The following SPAG16 variants were observed in gnomAD, a reference collection of about 807,000 sequenced individuals.
SPAG16 encodes the protein sperm associated antigen 16.
Under a neutral mutation model 80.4 loss-of-function variants are expected in SPAG16, and 86 were observed. The ratio of observed to expected loss-of-function variants is 1.07; its 90% CI spans 0.90 to 1.28. The LOEUF (loss-of-function observed/expected upper bound fraction) is 1.28, where lower values mean the gene tolerates loss of function less well. SPAG16 is among the 50% of genes most tolerant of loss of function. The pLI is 0.00. For missense variants in SPAG16, 870 were observed against 765.3 expected, an observed-to-expected ratio of 1.14 and a Z score of -1.61; for synonymous variants, 294 against 265.9, an observed-to-expected ratio of 1.11 and a Z score of -1.03.
At chr2:214,289,061 C>G (rs984935837) in intron 15 of SPAG16, among the ~76,000 whole-genome samples, 1 of 151,962 alleles carries the variant, frequency 6.6e-6, no homozygotes, top group Non-Finnish European at 1.5e-5. Flanking sequence ...AGCCACCGTT[C>G]CCAGCCCTTT....
At chr2:214,296,820 G>C (rs374026206) in intron 15 of SPAG16, among the ~76,000 whole-genome samples, 15 of 152,294 alleles carry the variant, frequency 9.8e-5, no homozygotes, top group African/African-American at 3.4e-4. Flanking sequence ...GAGTCATGGA[G>C]ACAGATCCCT....
chr2:213,861,006 C>T (rs962951962), intron 10 of SPAG16, among the ~76,000 whole-genome samples: 1 of 152,128 alleles, frequency 6.6e-6, no homozygotes, highest in Non-Finnish European at 1.5e-5. Context: ...ATCTTCTATC[C>T]GGTTTGAGCT....
At chr2:214,209,264 A>G (rs1476208028) in intron 15 of SPAG16, among the ~76,000 whole-genome samples, 1 of 152,098 alleles carries the variant, frequency 6.6e-6, no homozygotes, top group East Asian at 1.9e-4. Context: ...AACTCTAGAT[A>G]GGAAGAAGGA....
At chr2:214,177,177 A>T (rs1226848933) in intron 15 of SPAG16, among the ~76,000 whole-genome samples, 1 of 151,140 alleles carries the variant, frequency 6.6e-6, no homozygotes, top group South Asian at 2.1e-4. Context: ...TTATTGTCCT[A>T]TTAGACACCT....
chr2:213,426,395 A>G (rs1182109871), intron 9 of SPAG16, among the ~76,000 whole-genome samples: 8 of 151,808 alleles, frequency 5.3e-5, no homozygotes, highest in Admixed American at 5.2e-4. Context: ...GTACTTTTAT[A>G]GTTTTATATT....
intron 10 of SPAG16, among the ~76,000 whole-genome samples, chr2:213,583,618 G>A (rs2060366798): frequency 6.6e-6 from 1 of 151,998 alleles, no homozygotes; most frequent in African/African-American, 2.4e-5. Context: ...TTGGGGGGGT[G>A]GTAACTGAGT....
intron 15 of SPAG16, among the ~76,000 whole-genome samples, chr2:214,388,888 A>G (rs908278490): frequency 3.9e-5 from 6 of 152,190 alleles, no homozygotes; most frequent in African/African-American, 1.4e-4. Context: ...CATTGCCTGT[A>G]TTAATAGACT....
intron 14 of SPAG16, among the ~76,000 whole-genome samples, chr2:214,142,664 A>G (rs895571681): frequency 2.0e-5 from 3 of 152,174 alleles, no homozygotes; most frequent in African/African-American, 7.2e-5. Context: ...CCACAGATCC[A>G]GTCACTGAGT....
chr2:214,294,633 T>C (rs1031565199), intron 15 of SPAG16, among the ~76,000 whole-genome samples: 1 of 152,226 alleles, frequency 6.6e-6, no homozygotes, highest in Non-Finnish European at 1.5e-5. Flanking sequence ...TATCAAACCT[T>C]AACTATAGTT....
intron 10 of SPAG16, among the ~76,000 whole-genome samples, chr2:213,494,825 C>T (rs2074410366): frequency 6.6e-6 from 1 of 152,196 alleles, no homozygotes; most frequent in Non-Finnish European, 1.5e-5. Flanking sequence ...CCTATCTCCT[C>T]AATGACACCA....
At chr2:213,538,359 T>G (rs1382735893) in intron 10 of SPAG16, among the ~76,000 whole-genome samples, 1 of 152,166 alleles carries the variant, frequency 6.6e-6, no homozygotes, top group African/African-American at 2.4e-5. Context: ...TATGTCAAAT[T>G]TATTATATAT....
chr2:214,297,854 A>AAGAT (rs1222465614), intron 15 of SPAG16, among the ~76,000 whole-genome samples: 1 of 147,220 alleles, frequency 6.8e-6, no homozygotes, highest in Non-Finnish European at 1.5e-5. Flanking sequence ...TATGAATTTT[A>AAGAT]AGATTGTTTT....
chr2:213,597,685 G>A (rs1379386436), intron 10 of SPAG16, among the ~76,000 whole-genome samples: 1 of 151,892 alleles, frequency 6.6e-6, no homozygotes, highest in Non-Finnish European at 1.5e-5. Flanking sequence ...CTTTACAAAT[G>A]CCGCTATTTC....
At chr2:214,392,044 G>A (rs1701108311) in intron 15 of SPAG16, among the ~76,000 whole-genome samples, 2 of 152,138 alleles carry the variant, frequency 1.3e-5, no homozygotes. Context: ...GGTCACCAGT[G>A]AGCAAACCAC....
At chr2:213,363,206 A>G (rs1173087504) in intron 7 of SPAG16, among the ~76,000 whole-genome samples, 1 of 152,160 alleles carries the variant, frequency 6.6e-6, no homozygotes. Flanking sequence ...ATGGGATAAA[A>G]CAGGAATTCT....
At chr2:213,559,950 A>G (rs536287386) in intron 10 of SPAG16, among the ~76,000 whole-genome samples, 2 of 152,254 alleles carry the variant, frequency 1.3e-5, no homozygotes, top group Non-Finnish European at 2.9e-5. Flanking sequence ...CTATTAGGCC[A>G]TTAATTTTGC....
chr2:214,042,544 T>C (rs1158956970), intron 13 of SPAG16, among the ~76,000 whole-genome samples: 1 of 152,164 alleles, frequency 6.6e-6, no homozygotes, highest in Admixed American at 6.5e-5. Flanking sequence ...TTTATTTGTT[T>C]TCCCCCTATC....
At chr2:213,293,041 G>A (rs2062359742) in intron 1 of SPAG16, among the ~76,000 whole-genome samples, 1 of 152,100 alleles carries the variant, frequency 6.6e-6, no homozygotes, top group Non-Finnish European at 1.5e-5. Context: ...ATGTGTCAAG[G>A]GCAGGACCTT....
At chr2:213,785,164 T>C (rs1272765618) in intron 10 of SPAG16, among the ~76,000 whole-genome samples, 1 of 152,204 alleles carries the variant, frequency 6.6e-6, no homozygotes, top group Non-Finnish European at 1.5e-5. Context: ...ATCGTTAGCA[T>C]TTTGATTCAG....
Sources: allele counts gnomAD v4.1 joint callset (sites outside exome capture counted in the v4.1 genomes callset), GRCh38; gene constraint gnomAD v4.1.1; transcripts MANE v1.5; gene names NCBI Gene and HGNC (gene_info 2026-07-23, HGNC 2026-07-21).